MARK4: variants seen among roughly 807,000 people sequenced by gnomAD.
MARK4 encodes the protein microtubule affinity regulating kinase 4.
A neutral mutation model predicts 81.5 loss-of-function variants in MARK4; 19 were observed. The observed-to-expected ratio is 0.23, with a 90% CI of 0.16 to 0.34. MARK4 has a LOEUF of 0.34. MARK4 is among the 10% of genes least tolerant of loss of function. The pLI, the probability that MARK4 is intolerant of heterozygous loss-of-function variation, is 1.00. For missense variants in MARK4, 772 were observed against 1,058.8 expected (o/e 0.73, Z 3.76); for synonymous variants, 436 against 439.0 (o/e 0.99, Z 0.08).
Position 45,271,382 on chromosome 19 carries a change from C to G in MARK4, c.550-90C>G, listed in dbSNP as rs555077441. ...CAAGAGTTGATCCCTGTGGGCCAGC[C>G]CTAGAGCCTGTGCTCCTGTCTGCCT... is the stretch of plus-strand genomic sequence containing the variant. On this transcript the variant is annotated intron_variant, in intron 7 of 16. Coordinates refer to ENST00000262891, the MANE Select transcript of MARK4 (RefSeq NM_001199867.2). This position sits in a 1 kb window ranked among gnomAD's most constrained non-coding sequence, Gnocchi z 4.1. The G allele has an allele frequency of 1.5e-6, 2 of 1,317,164 alleles. No individual in the cohort carries two copies. The highest frequency in any genetic ancestry group is 1.8e-5 in the Admixed American group (1 of 56,678). The allele number at this position is 1,317,164 out of a possible 1,614,324, so 81.6% of individuals were successfully genotyped here. A position where few individuals can be genotyped will look rare whatever the true frequency, so the allele number is the denominator to read the frequency against.
chr19:45,302,249 A>T lies in MARK4; in HGVS notation c.1923-125A>T. The T allele has an allele frequency of 6.5e-7, 1 of 1,549,910 alleles. No homozygotes were observed. Among genetic ancestry groups the T allele is most frequent in the South Asian group, 1.2e-5 (1 of 80,710 alleles). ...CAGTTGAAACTGTCGCTGGGGTAAC[A>T]GGGGAAGATGTTTTTTGAGGGGATG... On this transcript the variant is annotated intron_variant, in intron 16 of 16. Coordinates refer to ENST00000262891, the MANE Select transcript of MARK4 (RefSeq NM_001199867.2). The surrounding 1 kb of genome is among the most constrained non-coding windows in gnomAD (Gnocchi z 4.9).
intron 1 of MARK4, among the ~76,000 whole-genome samples, chr19:45,254,535 G>T (rs922882067): frequency 3.3e-5 from 5 of 152,210 alleles, no homozygotes; most frequent in Non-Finnish European, 5.9e-5. Context: ...GCCGGGGTTC[G>T]CATCCCAGCA....
intron 12 of MARK4, among the ~76,000 whole-genome samples, chr19:45,282,349 G>A (rs923306517): frequency 2.0e-5 from 3 of 151,354 alleles, no homozygotes; most frequent in Admixed American, 2.0e-4. Context: ...TTTTTTTAAC[G>A]GCTTTATTAA....
chr19:45,281,997 G>A (rs1970681161), intron 12 of MARK4, among the ~76,000 whole-genome samples: 1 of 152,050 alleles, frequency 6.6e-6, no homozygotes. Flanking sequence ...GCCGAGGTGA[G>A]TGGATCACCT....
chr19:45,281,275 A>G (rs1272592913), intron 12 of MARK4, among the ~76,000 whole-genome samples: 1 of 149,402 alleles, frequency 6.7e-6, no homozygotes, highest in Non-Finnish European at 1.5e-5. Context: ...GCTGGTCTTG[A>G]ACTCCTGACC....
At chr19:45,289,137 C>T (rs1970788199) in intron 13 of MARK4, among the ~76,000 whole-genome samples, 1 of 151,996 alleles carries the variant, frequency 6.6e-6, no homozygotes, top group South Asian at 2.1e-4. Context: ...CGCCTATAAT[C>T]CCAGCACTTT....
Position 45,280,365 on chromosome 19 carries a change from C to T in MARK4, c.1007-9C>T, listed in dbSNP as rs914981468. The T allele has an allele frequency of 6.2e-7, 1 of 1,609,012 alleles. No homozygotes were observed. Among genetic ancestry groups the T allele is most frequent in the Non-Finnish European group, 8.5e-7 (1 of 1,175,566 alleles). On this transcript the variant is annotated splice_polypyrimidine_tract_variant and intron_variant, in intron 10 of 16. Coordinates refer to ENST00000262891, the MANE Select transcript of MARK4 (RefSeq NM_001199867.2). Reference sequence around the variant, plus strand: ...GAGTCTGAAACTTCTCTCCATCCCCCCCTCCCAGAGGTGATGGTGGGTATG... The same window carrying T: ...GAGTCTGAAACTTCTCTCCATCCCCTCCTCCCAGAGGTGATGGTGGGTATG...
chr19:45,253,183 A>ACAC (rs1555761164), intron 1 of MARK4, among the ~76,000 whole-genome samples: 1 of 122,442 alleles, frequency 8.2e-6, no homozygotes, highest in African/African-American at 3.1e-5. Context: ...CCTCCGACAG[A>ACAC]CCCCCCCACA....
chr19:45,302,752 C>A lies in MARK4; in HGVS notation c.*42C>A. 1 of 1,533,754 alleles carries A rather than the reference C, an allele frequency of 6.5e-7. No individual in the cohort carries two copies. The highest frequency in any genetic ancestry group is 8.7e-7 in the Non-Finnish European group (1 of 1,145,842). On this transcript the variant is annotated 3_prime_UTR_variant, in exon 17 of 17. Coordinates refer to ENST00000262891, the MANE Select transcript of MARK4 (RefSeq NM_001199867.2). This position sits in a 1 kb window ranked among gnomAD's most constrained non-coding sequence, Gnocchi z 4.9. ...GGCCCTTACTCTTCCTCTCCCTTGT[C>A]GCCTTCACTTCTACAGGAGGGGAAG...
intron 11 of MARK4, 28 bp downstream of exon 11, chr19:45,280,511 A>G: frequency 1.2e-6 from 2 of 1,613,994 alleles, no homozygotes; most frequent in Non-Finnish European, 1.7e-6. Flanking sequence ...GCCCTTGGGG[A>G]CGCGTGATGC....
chr19:45,302,506 C>T lies in MARK4; in HGVS notation c.2055C>T (p.Arg685=), dbSNP rs1970990185. The change falls in exon 17 of 17, where the codon CGC becomes CGT. Residue 685 remains arginine, a synonymous_variant. Transcript: ENST00000262891. This position sits in a 1 kb window ranked among gnomAD's most constrained non-coding sequence, Gnocchi z 4.9. ...TGCGCCAGGCCACAGCAGCCGCCCGCTGCCGCTGCCGCCAGCCACAGCCGT... is the reference window on the plus strand; with the variant it reads ...TGCGCCAGGCCACAGCAGCCGCCCGTTGCCGCTGCCGCCAGCCACAGCCGT... ...AALRQATAAA[R]CRCRQPQPFL... is the part of the protein sequence containing the mutation. 4 of 1,602,048 alleles carry T rather than the reference C, an allele frequency of 2.5e-6. No individual in the cohort carries two copies. Among genetic ancestry groups the T allele is most frequent in the Middle Eastern group, 1.7e-4 (1 of 6,036 alleles).
At chr19:45,277,009 G>A (rs1970606690) in intron 8 of MARK4, among the ~76,000 whole-genome samples, 1 of 152,020 alleles carries the variant, frequency 6.6e-6, no homozygotes, top group Admixed American at 6.6e-5. Context: ...CCCTTTCACG[G>A]ATAAGGAGAC....
chr19:45,273,880 T>G (rs749263313), intron 8 of MARK4, among the ~76,000 whole-genome samples: 1 of 152,222 alleles, frequency 6.6e-6, no homozygotes. Flanking sequence ...AGTCCCTTCT[T>G]CACAGTGGCC....
chr19:45,265,893 C>G (rs895704643), intron 6 of MARK4, among the ~76,000 whole-genome samples: 1 of 151,904 alleles, frequency 6.6e-6, no homozygotes, highest in African/African-American at 2.4e-5. Context: ...GTCCTGAACT[C>G]AAGGGCCATA....
intron 2 of MARK4, among the ~76,000 whole-genome samples, chr19:45,259,620 T>A (rs532810933): frequency 3.6e-4 from 55 of 151,674 alleles, no homozygotes; most frequent in African/African-American, 1.1e-3. Context: ...TAAAATTTTT[T>A]AAAAATTAGC....
At chr19:45,294,597 G>A (rs1970862661) in intron 14 of MARK4, 145 bp downstream of exon 14, 2 of 697,400 alleles carry the variant, frequency 2.9e-6, no homozygotes, top group Non-Finnish European at 4.9e-6. Flanking sequence ...TGGCAGAATC[G>A]ACCCATGTAC....
intron 7 of MARK4, among the ~76,000 whole-genome samples, chr19:45,267,251 T>A (rs942289147): frequency 2.6e-5 from 4 of 151,814 alleles, no homozygotes; most frequent in African/African-American, 9.7e-5. Flanking sequence ...AGAGACGGAG[T>A]TTCACCATGT....
intron 12 of MARK4, among the ~76,000 whole-genome samples, chr19:45,286,489 C>T (rs1970744541): frequency 6.6e-6 from 1 of 151,518 alleles, no homozygotes; most frequent in South Asian, 2.1e-4. Flanking sequence ...GTGGGAGGAT[C>T]GCTGGAGTCC....
intron 8 of MARK4, among the ~76,000 whole-genome samples, chr19:45,274,669 G>T (rs924605843): frequency 2.0e-5 from 3 of 152,048 alleles, no homozygotes; most frequent in African/African-American, 2.4e-5. Context: ...AACAGGCTCT[G>T]ACACTCCGGC....
Sources: gnomAD v4.1 joint callset for allele counts (sites outside exome capture counted in the v4.1 genomes callset) on GRCh38, gnomAD v4.1.1 for gene constraint, Gnocchi (gnomAD v3.1) non-coding constraint, MANE v1.5 for transcripts, NCBI Gene and HGNC (gene_info 2026-07-23, HGNC 2026-07-21) for gene names.